The following GRIK2 variants were observed in gnomAD, a reference collection of about 807,000 sequenced individuals.
GRIK2 encodes the protein glutamate ionotropic receptor kainate type subunit 2.
GRIK2 carries 32 observed loss-of-function variants against 100.3 expected under a neutral mutation model. The observed-to-expected ratio is 0.32, with a 90% CI of 0.24 to 0.43. The LOEUF (loss-of-function observed/expected upper bound fraction) is 0.43. Ranked by LOEUF, GRIK2 falls within the 20% of genes least tolerant of loss-of-function variation. The probability of loss-of-function intolerance (pLI) is 1.00; values close to 1 mark genes in which losing one functional copy is unlikely to be tolerated. For missense variants in GRIK2, 843 were observed against 1,114.9 expected, an observed-to-expected ratio of 0.76 and a Z score of 3.47; for synonymous variants, 417 against 389.4, an observed-to-expected ratio of 1.07 and a Z score of -0.83.
chr6:101,785,859 A>T (rs1779390122), intron 7 of GRIK2, among the ~76,000 whole-genome samples: 1 of 152,076 alleles, frequency 6.6e-6, no homozygotes, highest in South Asian at 2.1e-4. Flanking sequence ...TCTGTGAAGA[A>T]TGTCATGATA....
chr6:101,769,545 A>G (rs377710523), intron 7 of GRIK2, among the ~76,000 whole-genome samples: 1 of 152,206 alleles, frequency 6.6e-6, no homozygotes, highest in African/African-American at 2.4e-5. Flanking sequence ...GAGTAAATGT[A>G]TGCTTTATAG....
chr6:101,814,802 T>A (rs1484547248), intron 9 of GRIK2, among the ~76,000 whole-genome samples: 1 of 152,188 alleles, frequency 6.6e-6, no homozygotes, highest in East Asian at 1.9e-4. Context: ...CATATGATCA[T>A]TTTGTGTAGT....
intron 2 of GRIK2, among the ~76,000 whole-genome samples, chr6:101,549,108 A>G (rs1298647427): frequency 6.6e-6 from 1 of 152,196 alleles, no homozygotes; most frequent in Admixed American, 6.5e-5. Context: ...AAAAGTGTCC[A>G]ATTCTCAAAC....
intron 10 of GRIK2, among the ~76,000 whole-genome samples, chr6:101,826,490 T>A (rs1370346901): frequency 1.3e-5 from 2 of 151,998 alleles, no homozygotes; most frequent in Non-Finnish European, 2.9e-5. Flanking sequence ...ATGGAGATGT[T>A]GGCAATGACT....
At chr6:101,832,398 T>C (rs2128428634) in intron 10 of GRIK2, among the ~76,000 whole-genome samples, 1 of 152,250 alleles carries the variant, frequency 6.6e-6, no homozygotes, top group South Asian at 2.1e-4. Flanking sequence ...TCTTAAATAG[T>C]AAAAAAGAAA....
intron 10 of GRIK2, among the ~76,000 whole-genome samples, chr6:101,844,371 T>C (rs982489561): frequency 2.0e-5 from 3 of 152,138 alleles, no homozygotes; most frequent in Admixed American, 1.3e-4. Flanking sequence ...TAAGGAAATA[T>C]GATGTTTCTC....
intron 2 of GRIK2, among the ~76,000 whole-genome samples, chr6:101,448,200 A>T (rs1770482686): frequency 6.6e-6 from 1 of 151,652 alleles, no homozygotes; most frequent in South Asian, 2.1e-4. Flanking sequence ...AAGAGTTTGG[A>T]CAGTGATATC....
At chr6:101,959,470 C>T (rs904316420) in intron 14 of GRIK2, among the ~76,000 whole-genome samples, 3 of 152,084 alleles carry the variant, frequency 2.0e-5, no homozygotes, top group Admixed American at 2.0e-4. Flanking sequence ...AGACTTCTCT[C>T]CATTTTTCAT....
chr6:101,827,901 A>G (rs1287291420), intron 10 of GRIK2, among the ~76,000 whole-genome samples: 1 of 151,952 alleles, frequency 6.6e-6, no homozygotes, highest in Admixed American at 6.6e-5. Context: ...GAAATTCTGC[A>G]CTTAAATTTG....
At chr6:102,025,632 A>G (rs1417205376) in intron 14 of GRIK2, among the ~76,000 whole-genome samples, 1 of 151,180 alleles carries the variant, frequency 6.6e-6, no homozygotes, top group Non-Finnish European at 1.5e-5. Flanking sequence ...AATGTGCTGT[A>G]AATTAATGAT....
intron 8 of GRIK2, among the ~76,000 whole-genome samples, chr6:101,801,388 T>G (rs747577262): frequency 4.6e-5 from 7 of 152,014 alleles, no homozygotes; most frequent in African/African-American, 7.2e-5. Flanking sequence ...TGTATTAAAC[T>G]TTTTCTATTT....
At position 101,863,796 on chromosome 6, in the gene GRIK2, CTT is replaced by C. The variant is rs200395612; in HGVS notation, c.1524+4304_1524+4305del. ...AAGTTTCTTACTCTGTCTTGAGTGA[CTT>C]ATATCATTTATACAATGGGAATAAT... is the stretch of plus-strand genomic sequence containing the variant. On this transcript the variant is annotated intron_variant, in intron 11 of 16. Transcript: ENST00000369134. 1.2e-4 allele frequency among the ~76,000 whole-genome samples: 18 copies of C among 152,290 alleles called. No individual in the cohort carries two copies. The East Asian group carries it at 3.5e-3, about 29-fold the overall frequency.
chr6:101,631,444 G>A (rs139970557), intron 4 of GRIK2, among the ~76,000 whole-genome samples: 200 of 149,214 alleles, frequency 1.3e-3, no homozygotes, highest in African/African-American at 5.0e-3. Context: ...GAAAATACAA[G>A]AAGGGAATGG....
rs1328844013 is a variant in GRIK2, at chr6:101,915,841, TAAGC to T, written c.1749-8757_1749-8754del. The stretch of plus-strand genomic sequence containing the variant: ...ATTAAAAATTAATGGTTTTGAAAAA[TAAGC>T]AATCTATCCCGGAAGGTATTTTTTC... On this transcript the variant is annotated intron_variant, in intron 12 of 16. Coordinates refer to ENST00000369134, the MANE Select transcript of GRIK2 (RefSeq NM_021956.5). 2.0e-5 allele frequency among the ~76,000 whole-genome samples: 3 copies of T among 151,516 alleles called. No homozygotes were observed. In the East Asian group the frequency reaches 5.8e-4, roughly 29 times the overall value.
At chr6:101,670,098 A>G (rs1770316413) in intron 4 of GRIK2, among the ~76,000 whole-genome samples, 1 of 152,064 alleles carries the variant, frequency 6.6e-6, no homozygotes, top group South Asian at 2.1e-4. Context: ...TTTTTTTTAA[A>G]ACATTGAATG....
intron 2 of GRIK2, among the ~76,000 whole-genome samples, chr6:101,564,233 C>T (rs1258005074): frequency 1.3e-5 from 2 of 152,054 alleles, no homozygotes; most frequent in African/African-American, 4.8e-5. Flanking sequence ...ATACTGCGTC[C>T]ACTAACAATG....
chr6:101,467,141 AT>A (rs1488808241), intron 2 of GRIK2, among the ~76,000 whole-genome samples: 3 of 152,114 alleles, frequency 2.0e-5, no homozygotes, highest in East Asian at 3.8e-4. Context: ...ATTTAAAGCC[AT>A]TTTCTTTGTA....
At chr6:102,000,977 G>C (rs1235721065) in intron 14 of GRIK2, among the ~76,000 whole-genome samples, 1 of 150,936 alleles carries the variant, frequency 6.6e-6, no homozygotes, top group African/African-American at 2.4e-5. Context: ...CTGATATCCT[G>C]ACATTCTTTA....
At chr6:101,882,230 A>C (rs1458657975) in intron 11 of GRIK2, among the ~76,000 whole-genome samples, 1 of 152,178 alleles carries the variant, frequency 6.6e-6, no homozygotes, top group Non-Finnish European at 1.5e-5. Context: ...GGACACAGCC[A>C]AACCATATCA....
Sources: gnomAD v4.1 joint callset for allele counts (sites outside exome capture counted in the v4.1 genomes callset) on GRCh38, gnomAD v4.1.1 for gene constraint, MANE v1.5 for transcripts, NCBI Gene and HGNC (gene_info 2026-07-23, HGNC 2026-07-21) for gene names.